Variants in LARS1 observed in about 807,000 individuals in gnomAD.
LARS1 encodes the protein leucyl-tRNA synthetase 1.
A neutral mutation model predicts 162.8 loss-of-function variants in LARS1; 100 were observed. That is an observed-to-expected ratio of 0.61 (90% CI 0.52 to 0.73). The LOEUF (loss-of-function observed/expected upper bound fraction) is 0.73. Among genes scored for constraint, LARS1 ranks in the 30% least tolerant of loss-of-function variants. The probability of loss-of-function intolerance (pLI) is 0.00; values close to 1 mark genes in which losing one functional copy is unlikely to be tolerated. For synonymous variants in LARS1, 457 were observed against 462.8 expected (o/e 0.99, Z 0.16); for missense variants, 1,258 against 1,408.9 (o/e 0.89, Z 1.71).
At position 146,144,344 on chromosome 5, in the gene LARS1, C is replaced by T. The variant is rs1379871499; in HGVS notation, c.1661G>A (p.Cys554Tyr). ...SQCLKNLETFCEETRRNFEAT... is the reference protein window; with the variant it reads ...SQCLKNLETFYEETRRNFEAT... ...TTCAAAATTCCTCCTGGTCTCCTCA[C>T]AGAATCTAGAAAAGAGCAAAAGACA... is the stretch of plus-strand genomic sequence containing the variant. The change falls in exon 18 of 32, where the codon TGT becomes TAT. Residue 554 changes from cysteine to tyrosine, a missense_variant. Transcript: ENST00000394434. 4 of 1,612,550 alleles carry T rather than the reference C, an allele frequency of 2.5e-6. No homozygotes were observed. The Admixed American group carries it at 6.7e-5, about 27-fold the overall frequency.
chr5:146,143,077 G>T lies in LARS1; in HGVS notation c.1885C>A (p.Gln629Lys), dbSNP rs1222813099. ...AESPLGIRPQ[Q>K]MTKEVWDYVF... ...TAATCCCAAACTTCCTTGGTCATCTGTTGCGGTCTGTATTAAAAATAAAAC... is the reference window on the plus strand; with the variant it reads ...TAATCCCAAACTTCCTTGGTCATCTTTTGCGGTCTGTATTAAAAATAAAAC... Residue 629 changes from glutamine to lysine, a missense_variant, in exon 20 of 32, where the codon CAG becomes AAG. Gln to Lys is a moderately conservative substitution (Grantham distance 53). Coordinates refer to ENST00000394434, the MANE Select transcript of LARS1 (RefSeq NM_020117.11). The T allele has an allele frequency of 3.7e-6, 6 of 1,605,730 alleles. No homozygotes were observed. In the East Asian group the frequency reaches 1.3e-4, roughly 36 times the overall value.
At chr5:146,157,900 C>A in intron 8 of LARS1, 105 bp from the exon 9 acceptor site, 1 of 1,099,048 alleles carries the variant, frequency 9.1e-7, no homozygotes. Context: ...TGGGTTCTTG[C>A]ATTATTAATT....
chr5:146,126,888 A>G (rs1752074264), intron 27 of LARS1, among the ~76,000 whole-genome samples: 1 of 152,134 alleles, frequency 6.6e-6, no homozygotes, highest in Non-Finnish European at 1.5e-5. Flanking sequence ...AAAAAATTAC[A>G]CAACTATCAT....
chr5:146,179,547 A>AT, intron 1 of LARS1: 1 of 205,656 alleles, frequency 4.9e-6, no homozygotes, highest in South Asian at 4.8e-5. Context: ...AAGCCTAGTC[A>AT]TATCTCCTAC....
At chr5:146,154,098 A>T (rs1753416108) in intron 10 of LARS1, 118 bp from the exon 11 acceptor site, 1 of 677,068 alleles carries the variant, frequency 1.5e-6, no homozygotes, top group African/African-American at 1.8e-5. Flanking sequence ...ATGGAAATAA[A>T]TTCAAGAGCT....
At chr5:146,173,597 G>C (rs1418034044) in intron 2 of LARS1, among the ~76,000 whole-genome samples, 2 of 146,654 alleles carry the variant, frequency 1.4e-5, no homozygotes, top group East Asian at 4.0e-4. Flanking sequence ...CTCAATATAA[G>C]AACCACCATG....
chr5:146,145,140 C>G (rs948178890), intron 15 of LARS1, among the ~76,000 whole-genome samples: 5 of 152,110 alleles, frequency 3.3e-5, no homozygotes, highest in Admixed American at 2.6e-4. Context: ...CGCAGTGGCA[C>G]TATCATGGCT....
chr5:146,164,461 G>A lies in LARS1; in HGVS notation c.443C>T (p.Ala148Val). 1 of 1,613,876 alleles carries A rather than the reference G, an allele frequency of 6.2e-7. No homozygotes were observed. The highest frequency in any genetic ancestry group is 1.1e-5 in the South Asian group (1 of 91,060). The change falls in exon 6 of 32, where the codon GCT (alanine) becomes GTT (valine). Residue 148 changes from alanine (A) to valine (V), a missense_variant. Transcript: ENST00000394434. ...GTATTTAGAAGATCCAGCTTTAGCA[G>A]CAGCTTTACTCTGAAAATAATGGAG... Reference protein sequence around the residue: ...DKAKGKKSKAAAKAGSSKYQW... With the variant: ...DKAKGKKSKAVAKAGSSKYQW...
At chr5:146,133,739 C>T (rs940051178) in intron 22 of LARS1, among the ~76,000 whole-genome samples, 2 of 150,286 alleles carry the variant, frequency 1.3e-5, no homozygotes, top group African/African-American at 2.4e-5. Context: ...TAGTTATTTC[C>T]GTCTTTAGCT....
Position 146,171,906 on chromosome 5 carries a change from T to C in LARS1, c.294+4A>G. ...GTAGAAACCAATCCTATTAGCGATC[T>C]TACCTTAATAGGCATTCCAGTACAG... On this transcript the variant is annotated splice_donor_region_variant and intron_variant, in intron 4 of 31. Coordinates refer to ENST00000394434, the MANE Select transcript of LARS1 (RefSeq NM_020117.11). 6.2e-7 allele frequency: 1 copy of C among 1,606,352 alleles called. No individual in the cohort carries two copies. Among genetic ancestry groups the C allele is most frequent in the Non-Finnish European group, 8.5e-7 (1 of 1,175,056 alleles).
rs199549253 is a variant in LARS1, at chr5:146,159,499, T to G, written c.708-29A>C. On this transcript the variant is annotated intron_variant, in intron 7 of 31. Transcript: ENST00000394434. ...AAAAATAAACAAAAAGTGACAAACA[T>G]TATTATAATATTCACGTTTTATCCT... The G allele has an allele frequency of 1.2e-5, 18 of 1,524,494 alleles. No individual in the cohort carries two copies. In the East Asian group the frequency reaches 3.4e-4, roughly 29 times the overall value. The allele number at this position is 1,524,494 out of a possible 1,614,324, so 94.4% of individuals were successfully genotyped here. A position where few individuals can be genotyped will look rare whatever the true frequency, so the allele number is the denominator to read the frequency against.
intron 27 of LARS1, among the ~76,000 whole-genome samples, chr5:146,126,944 T>TA (rs1752076416): frequency 6.6e-6 from 1 of 152,082 alleles, no homozygotes; most frequent in African/African-American, 2.4e-5. Flanking sequence ...AAGAAACTGT[T>TA]ACCACAATTG....
intron 10 of LARS1, 105 bp downstream of exon 10, chr5:146,157,297 TG>T (rs1254312220): frequency 1.1e-6 from 1 of 946,472 alleles, no homozygotes; most frequent in Non-Finnish European, 1.7e-6. Flanking sequence ...GTTTACTGCA[TG>T]TACACCTCAT....
rs562146694 is a variant in LARS1 at position 146,172,070 on chromosome 5, T to A, written c.214-80A>T. 3.3e-4 allele frequency: 419 copies of A among 1,278,674 alleles called. 3 individuals are homozygous for A. In the African/African-American group the frequency reaches 5.8e-3, roughly 18 times the overall value. The allele number at this position is 1,278,674 out of a possible 1,614,324, so 79.2% of individuals were successfully genotyped here. A position where few individuals can be genotyped will look rare whatever the true frequency, so the allele number is the denominator to read the frequency against. On this transcript the variant is annotated intron_variant, in intron 3 of 31. Transcript: ENST00000394434. ...AATGTGAACTTTTCACACAAAAAAA[T>A]TAGTTTTCTTCTTTACATCCTCCTT...
chr5:146,140,309 T>C (rs781427557), intron 20 of LARS1, 48 bp from the exon 21 acceptor site: 4 of 1,480,570 alleles, frequency 2.7e-6, no homozygotes, highest in South Asian at 1.1e-5. Context: ...ACAAAGATGA[T>C]AGTTCTGGCT....
At chr5:146,181,867 T>C (rs926658105) in intron 1 of LARS1, among the ~76,000 whole-genome samples, 2 of 138,986 alleles carry the variant, frequency 1.4e-5, no homozygotes, top group Non-Finnish European at 3.0e-5. Context: ...TTTTTTTTTT[T>C]TTTTTTTTTT....
At chr5:146,161,503 C>A (rs145395699) in intron 6 of LARS1, among the ~76,000 whole-genome samples, 2 of 152,004 alleles carry the variant, frequency 1.3e-5, no homozygotes, top group African/African-American at 2.4e-5. Context: ...CCAAGGCAGG[C>A]GGATCACTTG....
intron 6 of LARS1, among the ~76,000 whole-genome samples, chr5:146,163,700 A>C (rs1023652609): frequency 6.6e-6 from 1 of 152,138 alleles, no homozygotes; most frequent in African/African-American, 2.4e-5. Flanking sequence ...AAACAAACAA[A>C]AAAAAAGAAC....
At chr5:146,160,947 A>G (rs565072505) in intron 6 of LARS1, among the ~76,000 whole-genome samples, 5 of 152,202 alleles carry the variant, frequency 3.3e-5, no homozygotes, top group Non-Finnish European at 7.3e-5. Flanking sequence ...CAGGGGAAAT[A>G]TATTATTCTA....
Sources: gnomAD v4.1 joint callset for allele counts (sites outside exome capture counted in the v4.1 genomes callset) on GRCh38, gnomAD v4.1.1 for gene constraint, MANE v1.5 for transcripts, NCBI Gene and HGNC (gene_info 2026-07-23, HGNC 2026-07-21) for gene names.